EXD2: variants seen among roughly 807,000 people sequenced by gnomAD.
The protein encoded by EXD2 is exonuclease 3'-5' domain-containing protein 2.
In EXD2, 40 loss-of-function variants were observed where a neutral mutation model predicts 62.5. The observed-to-expected ratio is 0.64, with a 90% confidence interval of 0.50 to 0.83. EXD2 has a LOEUF of 0.83. Among genes scored for constraint, EXD2 ranks in the 40% least tolerant of loss-of-function variants. The pLI is 0.00. For missense variants in EXD2, 671 were observed against 761.8 expected (o/e 0.88, Z 1.40); for synonymous variants, 239 against 291.9 (o/e 0.82, Z 1.85).
intron 3 of EXD2, among the ~76,000 whole-genome samples, chr14:69,226,101 A>G (rs141824602): frequency 0.013 from 2,016 of 152,342 alleles, 42 homozygotes; most frequent in African/African-American, 0.047. Flanking sequence ...AACCTTAGGA[A>G]TTTGTAGTGA....
At position 69,240,950 on chromosome 14, in the gene EXD2, G is replaced by A. The variant is rs2043962623; in HGVS notation, c.1716G>A (p.Leu572=). ...KVVQCHSQGG[L]RSLMQLESRW... is the part of the protein sequence containing the mutation. ...TGCAGTGTCACAGCCAGGGTGGCCT[G>A]CGCTCCCTCATGCAGCTGGAGAGCC... Residue 572 remains leucine, a synonymous_variant, in exon 10 of 10, where the codon CTG becomes CTA. Coordinates refer to ENST00000685843, the MANE Select transcript of EXD2 (RefSeq NM_001193360.2). The A allele has an allele frequency of 6.2e-7, 1 of 1,613,598 alleles. No individual in the cohort carries two copies. The highest frequency in any genetic ancestry group is 1.1e-5 in the South Asian group (1 of 91,044).
chr14:69,227,955 TG>T (rs1343469031), intron 3 of EXD2: 1 of 152,288 alleles, frequency 6.6e-6, no homozygotes, highest in Non-Finnish European at 1.5e-5. Context: ...GAAAGCCATT[TG>T]TGACTAGAAA....
chr14:69,239,632 T>G (rs1392554221), intron 9 of EXD2, among the ~76,000 whole-genome samples: 4 of 152,242 alleles, frequency 2.6e-5, no homozygotes, highest in African/African-American at 9.6e-5. Flanking sequence ...TGCTACTATA[T>G]CTTAAATTTA....
rs1390648956 is a variant in EXD2, at chr14:69,209,608, A to G, written c.138A>G (p.Lys46=). 3 of 1,550,484 alleles carry G rather than the reference A, an allele frequency of 1.9e-6. No individual in the cohort carries two copies. Among genetic ancestry groups the G allele is most frequent in the East Asian group, 2.4e-5 (1 of 40,922 alleles). Residue 46 remains lysine (K), a synonymous_variant, in exon 3 of 10, where the codon AAA becomes AAG. Transcript: ENST00000685843. ...CTGTGACCCAACAGCCACAGCAGAA[A>G]GTGCTGGGCAGTAGAGAGCTGCCCC... ...TSPVTQQPQQ[K]VLGSRELPPP...
chr14:69,218,167 C>T (rs1382591310), intron 3 of EXD2, among the ~76,000 whole-genome samples: 1 of 152,156 alleles, frequency 6.6e-6, no homozygotes, highest in Non-Finnish European at 1.5e-5. Flanking sequence ...TAAAAGTGTT[C>T]CTATTTCTCC....
intron 4 of EXD2, among the ~76,000 whole-genome samples, 194 bp from the exon 5 acceptor site, chr14:69,230,274 TGTGA>T (rs1486376871): frequency 3.9e-5 from 6 of 152,354 alleles, no homozygotes; most frequent in African/African-American, 1.2e-4. Flanking sequence ...ACAGGGTTGG[TGTGA>T]GTATTAAATG....
intron 3 of EXD2, among the ~76,000 whole-genome samples, chr14:69,221,027 T>A (rs1006949044): frequency 1.3e-5 from 2 of 152,124 alleles, no homozygotes; most frequent in Admixed American, 1.3e-4. Flanking sequence ...CCACCATGCC[T>A]GGCTAATCTT....
intron 1 of EXD2, 116 bp from the exon 2 acceptor site, chr14:69,203,801 G>A (rs2042492268): frequency 6.6e-6 from 1 of 152,152 alleles, no homozygotes; most frequent in Non-Finnish European, 1.5e-5. Flanking sequence ...TGGTTTTGTA[G>A]TAATAGCTAA....
chr14:69,207,732 A>T (rs895671259), intron 2 of EXD2, among the ~76,000 whole-genome samples: 4 of 152,072 alleles, frequency 2.6e-5, no homozygotes, highest in Non-Finnish European at 5.9e-5. Flanking sequence ...GCCAGCATTT[A>T]AAAATGGTGA....
chr14:69,231,140 C>T (rs894188509), intron 5 of EXD2, among the ~76,000 whole-genome samples: 2 of 151,962 alleles, frequency 1.3e-5, no homozygotes, highest in Middle Eastern at 3.4e-3. Flanking sequence ...TTTATGAATA[C>T]AAATGTATAA....
intron 5 of EXD2, among the ~76,000 whole-genome samples, chr14:69,233,543 G>A (rs1030668346): frequency 2.0e-5 from 3 of 151,514 alleles, no homozygotes; most frequent in Admixed American, 1.3e-4. Flanking sequence ...AGGTTCAAGC[G>A]ATTCTCCTGC....
intron 3 of EXD2, among the ~76,000 whole-genome samples, chr14:69,213,146 C>G (rs186632938): frequency 7.2e-6 from 1 of 139,506 alleles, no homozygotes; most frequent in Non-Finnish European, 1.5e-5. Flanking sequence ...TGCAGTTGTG[C>G]GATCACAGCT....
intron 2 of EXD2, among the ~76,000 whole-genome samples, chr14:69,205,316 G>A (rs919207825): frequency 3.9e-5 from 6 of 152,068 alleles, no homozygotes; most frequent in Admixed American, 1.3e-4. Flanking sequence ...CTCCCAAAGC[G>A]TTGAGATTAC....
In EXD2 at chr14:69,241,132, G is replaced by A. The variant is rs1436961725; in HGVS notation, c.*32G>A. 6.3e-7 allele frequency: 1 copy of A among 1,594,500 alleles called. No homozygotes were observed. The highest frequency in any genetic ancestry group is 8.6e-7 in the Non-Finnish European group (1 of 1,167,806). On this transcript the variant is annotated 3_prime_UTR_variant, in exon 10 of 10. Coordinates refer to ENST00000685843, the MANE Select transcript of EXD2 (RefSeq NM_001193360.2). Reference sequence around the variant, plus strand: ...CTTTCCTCCCAGTTAGGACAAGTGGGAAGCTGGAGCCAAGGTTGAAGAGTC... The same window carrying A: ...CTTTCCTCCCAGTTAGGACAAGTGGAAAGCTGGAGCCAAGGTTGAAGAGTC...
intron 2 of EXD2, among the ~76,000 whole-genome samples, chr14:69,205,373 A>G (rs2042556180): frequency 1.3e-5 from 2 of 152,088 alleles, no homozygotes; most frequent in African/African-American, 4.8e-5. Flanking sequence ...CTCCCTCTTT[A>G]TCTGTCTACT....
rs2042402768 is a variant in EXD2 at position 69,201,672 on chromosome 14, G to GTTTTTTGTTTTTTTTTTTT, written c.-131-2239_-131-2238insGTTTTTTTTTTTTTTTTTT. 4.9e-4 allele frequency among the ~76,000 whole-genome samples: 29 copies of GTTTTTTGTTTTTTTTTTTT among 59,024 alleles called. 1 individual carries two copies. Among genetic ancestry groups the GTTTTTTGTTTTTTTTTTTT allele is most frequent in the African/African-American group, 1.9e-3 (28 of 14,714 alleles). The allele number at this position is 59,024 out of a possible 152,430, so 38.7% of individuals were successfully genotyped here. On this transcript the variant is annotated intron_variant, in intron 1 of 9. Coordinates refer to ENST00000685843, the MANE Select transcript of EXD2 (RefSeq NM_001193360.2). ...GTCTCTCTCAGCAAGTGTTTTCTCT[G>GTTTTTTGTTTTTTTTTTTT]TTTTTTTTTTTTTTTTTTTTTTTTT...
rs2043995751 is a variant in EXD2 at position 69,242,023 on chromosome 14, T to G, written c.*923T>G. ...AGACTGACCTCTTTTAAGCATTTAA[T>G]TCACTCCCAGAGTCATCTGGTCAGG... On this transcript the variant is annotated 3_prime_UTR_variant, in exon 10 of 10. Coordinates refer to ENST00000685843, the MANE Select transcript of EXD2 (RefSeq NM_001193360.2). 2 of 398,596 alleles carry G rather than the reference T, an allele frequency of 5.0e-6. No individual in the cohort carries two copies. The highest frequency in any genetic ancestry group is 2.1e-5 in the African/African-American group (1 of 48,740). 24.7% of individuals were successfully genotyped at this position (398,596 alleles called of 1,614,324 possible). A position where few individuals can be genotyped will look rare whatever the true frequency, so the allele number is the denominator to read the frequency against.
chr14:69,243,107 A>C lies in EXD2; in HGVS notation c.*2007A>C, dbSNP rs1272744189. Reference sequence around the variant, plus strand: ...AAAAAGCCAGACTGCGTCACACAAGATTTCTCATCCTTTTCAGGAGAGAGT... The same window carrying C: ...AAAAAGCCAGACTGCGTCACACAAGCTTTCTCATCCTTTTCAGGAGAGAGT... On this transcript the variant is annotated 3_prime_UTR_variant, in exon 10 of 10. Transcript: ENST00000685843. 3 of 152,132 alleles carry C rather than the reference A, an allele frequency of 2.0e-5. No individual in the cohort carries two copies. The highest frequency in any genetic ancestry group is 4.8e-5 in the African/African-American group (2 of 41,432). The allele number at this position is 152,132 out of a possible 1,614,324, so 9.4% of individuals were successfully genotyped here. A position where few individuals can be genotyped will look rare whatever the true frequency, so the allele number is the denominator to read the frequency against.
chr14:69,233,673 T>C (rs2043667627), intron 5 of EXD2, among the ~76,000 whole-genome samples: 1 of 151,854 alleles, frequency 6.6e-6, no homozygotes. Flanking sequence ...ATTCCTGACC[T>C]CAAGTGATCT....
Sources: gnomAD v4.1 joint callset for allele counts (sites outside exome capture counted in the v4.1 genomes callset) on GRCh38, gnomAD v4.1.1 for gene constraint, MANE v1.5 for transcripts, NCBI Gene and HGNC (gene_info 2026-07-23, HGNC 2026-07-21) for gene names.